The following RABGAP1L variants were observed in gnomAD, a reference collection of about 807,000 sequenced individuals.
The protein encoded by RABGAP1L is RAB GTPase activating protein 1 like.
RABGAP1L carries 63 observed loss-of-function variants against 137.7 expected under a neutral mutation model. That is an observed-to-expected ratio of 0.46 (90% confidence interval 0.37 to 0.56). The LOEUF is 0.56. Among genes scored for constraint, RABGAP1L ranks in the 20% least tolerant of loss-of-function variants. The pLI, the probability that RABGAP1L is intolerant of heterozygous loss-of-function variation, is 0.00. For synonymous variants in RABGAP1L, 431 were observed against 433.7 expected (o/e 0.99, Z 0.08); for missense variants, 1,095 against 1,244.0 (o/e 0.88, Z 1.80).
intron 13 of RABGAP1L, among the ~76,000 whole-genome samples, chr1:174,580,090 A>G (rs1668625902): frequency 6.6e-6 from 1 of 151,962 alleles, no homozygotes; most frequent in Non-Finnish European, 1.5e-5. Flanking sequence ...GTGGTTTATT[A>G]TATATGAAAC....
intron 17 of RABGAP1L, among the ~76,000 whole-genome samples, chr1:174,718,378 A>G (rs1266562156): frequency 1.3e-5 from 2 of 152,178 alleles, no homozygotes. Context: ...TTTGTTCCTA[A>G]GAATCTCTAC....
At chr1:174,410,295 T>C (rs1348751457) in intron 13 of RABGAP1L, among the ~76,000 whole-genome samples, 1 of 152,216 alleles carries the variant, frequency 6.6e-6, no homozygotes, top group Non-Finnish European at 1.5e-5. Context: ...CCAAGGCTGA[T>C]GTCCAGAATG....
chr1:174,863,692 T>C (rs1167638860), intron 19 of RABGAP1L, among the ~76,000 whole-genome samples: 1 of 126,214 alleles, frequency 7.9e-6, no homozygotes, highest in Non-Finnish European at 1.7e-5. Flanking sequence ...AAAAAAGGAA[T>C]GTTTTCTGGC....
chr1:174,266,891 G>A (rs564956878), intron 7 of RABGAP1L, among the ~76,000 whole-genome samples: 1 of 152,292 alleles, frequency 6.6e-6, no homozygotes, highest in East Asian at 1.9e-4. Flanking sequence ...CACAGTCTTA[G>A]AAGATTTTAA....
At chr1:174,676,445 T>C (rs1572769835) in intron 14 of RABGAP1L, among the ~76,000 whole-genome samples, 1 of 152,208 alleles carries the variant, frequency 6.6e-6, no homozygotes, top group Admixed American at 6.5e-5. Context: ...TGTTCTTCCA[T>C]AGAGATTTTA....
intron 14 of RABGAP1L, among the ~76,000 whole-genome samples, chr1:174,672,054 C>G (rs1289738014): frequency 2.0e-5 from 3 of 151,968 alleles, no homozygotes; most frequent in African/African-American, 2.4e-5. Context: ...ATATTTCATC[C>G]TTGATCAGTT....
chr1:174,327,744 C>A lies in RABGAP1L; in HGVS notation c.1465+22617C>A, dbSNP rs369535559. ...AATAAGACCTAACTATATGCTGCCC[C>A]CAAGAGACTCACTTCACCCTTAAGA... On this transcript the variant is annotated intron_variant, in intron 11 of 25. Coordinates refer to ENST00000681986, the MANE Select transcript of RABGAP1L (RefSeq NM_001366446.1). Among the ~76,000 whole-genome samples the A allele has an allele frequency of 1.4e-4, 21 of 151,132 alleles. No individual in the cohort carries two copies. In the South Asian group the frequency reaches 3.8e-3, roughly 27 times the overall value.
At chr1:174,968,880 A>T (rs928955726) in intron 20 of RABGAP1L, among the ~76,000 whole-genome samples, 1 of 152,084 alleles carries the variant, frequency 6.6e-6, no homozygotes, top group Non-Finnish European at 1.5e-5. Context: ...TTTCATTCCT[A>T]CTGTGTCTTG....
intron 1 of RABGAP1L, among the ~76,000 whole-genome samples, chr1:174,198,115 G>T (rs1257276298): frequency 6.6e-6 from 1 of 152,166 alleles, no homozygotes; most frequent in Non-Finnish European, 1.5e-5. Flanking sequence ...TAGAAACACT[G>T]TTCTAATTAT....
intron 1 of RABGAP1L, among the ~76,000 whole-genome samples, chr1:174,214,981 A>T (rs1010464036): frequency 6.6e-6 from 1 of 152,230 alleles, no homozygotes; most frequent in Non-Finnish European, 1.5e-5. Context: ...GCAAAAATGG[A>T]CAAATGGTAT....
chr1:174,875,714 G>T, intron 19 of RABGAP1L: 1 of 983,868 alleles, frequency 1.0e-6, no homozygotes, highest in Non-Finnish European at 1.2e-6. Context: ...AGTTTAAAAG[G>T]TATGAACTGC....
At chr1:174,613,173 T>C (rs1027824650) in intron 13 of RABGAP1L, among the ~76,000 whole-genome samples, 37 of 151,168 alleles carry the variant, frequency 2.4e-4, no homozygotes, top group South Asian at 4.2e-4. Context: ...GGATCTTTCC[T>C]GCTTTCTCTT....
chr1:174,218,059 C>T (rs1002740167), intron 1 of RABGAP1L, among the ~76,000 whole-genome samples: 4 of 152,204 alleles, frequency 2.6e-5, no homozygotes, highest in Admixed American at 6.5e-5. Flanking sequence ...GCCTGCTTGT[C>T]CTGCCCCTCT....
In RABGAP1L at chr1:174,787,978, CCCTGT is replaced by C. The variant is rs1687582992; in HGVS notation, c.2212-23849_2212-23845del. ...TCTTTTATCTTCCTTTTAAAAACTT[CCCTGT>C]CCTGGTCTCTCTTTAATTTTAAGGA... On this transcript the variant is annotated intron_variant, in intron 18 of 25. Coordinates refer to ENST00000681986, the MANE Select transcript of RABGAP1L (RefSeq NM_001366446.1). 2.0e-5 allele frequency among the ~76,000 whole-genome samples: 3 copies of C among 152,110 alleles called. No homozygotes were observed. In the South Asian group the frequency reaches 6.2e-4, roughly 32 times the overall value.
At chr1:174,561,595 C>T (rs372912414) in intron 13 of RABGAP1L, among the ~76,000 whole-genome samples, 21 of 152,290 alleles carry the variant, frequency 1.4e-4, no homozygotes, top group East Asian at 9.6e-4. Flanking sequence ...ATCATGCTAC[C>T]TTACTTCAAA....
intron 19 of RABGAP1L, among the ~76,000 whole-genome samples, chr1:174,856,135 G>A (rs1026881175): frequency 6.6e-6 from 1 of 152,078 alleles, no homozygotes. Context: ...AGTGGCTCAC[G>A]CCTGTAATCC....
chr1:174,584,625 T>C (rs1206483552), intron 13 of RABGAP1L, among the ~76,000 whole-genome samples: 3 of 152,120 alleles, frequency 2.0e-5, no homozygotes, highest in African/African-American at 7.2e-5. Flanking sequence ...AATATATATA[T>C]CATTCTTGGT....
intron 13 of RABGAP1L, among the ~76,000 whole-genome samples, chr1:174,529,953 A>G (rs1429058972): frequency 6.6e-6 from 1 of 152,076 alleles, no homozygotes; most frequent in Non-Finnish European, 1.5e-5. Flanking sequence ...CTGCTCTGGC[A>G]TGGAGAAGGC....
chr1:174,786,579 A>G (rs1050911274), intron 18 of RABGAP1L, among the ~76,000 whole-genome samples: 3 of 152,216 alleles, frequency 2.0e-5, no homozygotes, highest in Non-Finnish European at 4.4e-5. Context: ...TCCCCAAATC[A>G]AATTTACATG....
Sources: gnomAD v4.1 joint callset for allele counts (sites outside exome capture counted in the v4.1 genomes callset) on GRCh38, gnomAD v4.1.1 for gene constraint, MANE v1.5 for transcripts, NCBI Gene and HGNC (gene_info 2026-07-23, HGNC 2026-07-21) for gene names.